Variants in NEGR1 observed in about 807,000 individuals in gnomAD.
NEGR1 encodes the protein neuronal growth regulator 1.
A neutral mutation model predicts 40.9 loss-of-function variants in NEGR1; 10 were observed. The ratio of observed to expected loss-of-function variants is 0.24; its 90% CI spans 0.15 to 0.42. The LOEUF is 0.42. Among genes scored for constraint, NEGR1 ranks in the 10% least tolerant of loss-of-function variants. The pLI, the probability that NEGR1 is intolerant of heterozygous loss-of-function variation, is 1.00. For missense variants in NEGR1, 352 were observed against 438.9 expected (o/e 0.80, Z 1.77); for synonymous variants, 185 against 166.8 (o/e 1.11, Z -0.84).
chr1:71,996,745 C>T (rs1428553022), intron 1 of NEGR1, among the ~76,000 whole-genome samples: 1 of 152,096 alleles, frequency 6.6e-6, no homozygotes, highest in African/African-American at 2.4e-5. Flanking sequence ...GAAGACATAA[C>T]CATAAATAAA....
chr1:72,053,531 TA>T (rs1238441083), intron 1 of NEGR1, among the ~76,000 whole-genome samples: 1 of 151,156 alleles, frequency 6.6e-6, no homozygotes, highest in African/African-American at 2.4e-5. Context: ...AATGACCTTT[TA>T]TTTTTTTCAC....
At chr1:71,773,131 C>T (rs1263510245) in intron 3 of NEGR1, among the ~76,000 whole-genome samples, 2 of 152,116 alleles carry the variant, frequency 1.3e-5, no homozygotes, top group African/African-American at 2.4e-5. Context: ...GAACACACAG[C>T]CTCATTTTTC....
intron 2 of NEGR1, among the ~76,000 whole-genome samples, chr1:71,777,160 T>C (rs372648818): frequency 6.6e-6 from 1 of 152,272 alleles, no homozygotes; most frequent in African/African-American, 2.4e-5. Context: ...AAATGTCTCA[T>C]TGAATCCTCA....
chr1:71,796,116 C>T (rs1466208375), intron 2 of NEGR1, among the ~76,000 whole-genome samples: 1 of 152,140 alleles, frequency 6.6e-6, no homozygotes, highest in Admixed American at 6.6e-5. Context: ...TTTTAACATT[C>T]AGTTGACCTG....
At position 71,676,156 on chromosome 1, in the gene NEGR1, T is replaced by C. The variant is rs1652626903; in HGVS notation, c.667+21852A>G. On this transcript the variant is annotated intron_variant, in intron 4 of 6. Transcript: ENST00000357731. ...AAGGTCTAAATTTTAATTAATCTTA[T>C]TTGGGAAGAGGGTTCCAAGCCACTA... 2.0e-5 allele frequency among the ~76,000 whole-genome samples: 3 copies of C among 152,144 alleles called. 1 individual carries two copies. Among genetic ancestry groups the C allele is most frequent in the East Asian group, 3.8e-4 (2 of 5,198 alleles).
rs116132273 is a variant in NEGR1 at position 71,906,380 on chromosome 1, C to T, written c.409+28699G>A. On this transcript the variant is annotated intron_variant, in intron 2 of 6. Transcript: ENST00000357731. ...CCAAACACCATCTGTTCCCCTAAAA[C>T]GCTATTGAAATAAAACAGAATAAAA... Among the ~76,000 whole-genome samples the T allele has an allele frequency of 9.2e-3, 1,370 of 148,756 alleles. 20 individuals are homozygous for T. The highest frequency in any genetic ancestry group is 0.032 in the African/African-American group (1,275 of 40,320).
rs899977015 is a variant in NEGR1 at position 71,424,082 on chromosome 1, A to T, written c.941-16512T>A. On this transcript the variant is annotated intron_variant, in intron 6 of 6. Coordinates refer to ENST00000357731, the MANE Select transcript of NEGR1 (RefSeq NM_173808.3). Reference sequence around the variant, plus strand: ...GTCAGACGCTAATAGTTAGGACTTTAAAGAAAAAAAAAAACCTTTAAAATT... The same window carrying T: ...GTCAGACGCTAATAGTTAGGACTTTTAAGAAAAAAAAAAACCTTTAAAATT... 5.8e-4 allele frequency among the ~76,000 whole-genome samples: 7 copies of T among 12,014 alleles called. No individual in the cohort carries two copies. The Non-Finnish European group carries it at 5.9e-3, about 10-fold the overall frequency. The allele number at this position is 12,014 out of a possible 152,430, so 7.9% of individuals were successfully genotyped here. A position where few individuals can be genotyped will look rare whatever the true frequency, so the allele number is the denominator to read the frequency against.
intron 2 of NEGR1, among the ~76,000 whole-genome samples, chr1:71,930,961 T>C (rs1645849709): frequency 6.6e-6 from 1 of 152,164 alleles, no homozygotes; most frequent in African/African-American, 2.4e-5. Context: ...TGTTGGCTGC[T>C]CTAGGCAGGG....
At chr1:71,757,303 T>C (rs1274005143) in intron 3 of NEGR1, among the ~76,000 whole-genome samples, 1 of 152,108 alleles carries the variant, frequency 6.6e-6, no homozygotes, top group Non-Finnish European at 1.5e-5. Context: ...ATAAAATTTT[T>C]AAAACTTTAA....
rs567055174 is a variant in NEGR1 at position 71,502,106 on chromosome 1, G to A, written c.940+90711C>T. 2.0e-3 allele frequency among the ~76,000 whole-genome samples: 310 copies of A among 152,252 alleles called. 1 individual carries two copies. The highest frequency in any genetic ancestry group is 6.9e-3 in the Admixed American group (105 of 15,292). ...TTTAAATGGTCCATTTTCAAAGCAT[G>A]ATAAATCTAAGTACCGGCAGCCACC... On this transcript the variant is annotated intron_variant, in intron 6 of 6. Transcript: ENST00000357731.
intron 3 of NEGR1, among the ~76,000 whole-genome samples, chr1:71,698,951 G>A (rs554698487): frequency 6.6e-6 from 1 of 151,750 alleles, no homozygotes; most frequent in African/African-American, 2.4e-5. Flanking sequence ...TTGAGTCATT[G>A]AGCAGGATCC....
chr1:71,547,779 T>C (rs980605483), intron 6 of NEGR1, among the ~76,000 whole-genome samples: 1 of 151,730 alleles, frequency 6.6e-6, no homozygotes, highest in Non-Finnish European at 1.5e-5. Context: ...TGGCTCCCAA[T>C]GATCCTGGTT....
chr1:72,234,001 A>G (rs1163598913), intron 1 of NEGR1, among the ~76,000 whole-genome samples: 2 of 152,028 alleles, frequency 1.3e-5, no homozygotes. Flanking sequence ...TTTTATTTTA[A>G]GTTCAGGGGT....
chr1:72,264,672 C>T (rs1359658280), intron 1 of NEGR1, among the ~76,000 whole-genome samples: 1 of 150,446 alleles, frequency 6.6e-6, no homozygotes, highest in African/African-American at 2.4e-5. Context: ...TATTTTAGTT[C>T]TTAAAAACTT....
intron 6 of NEGR1, among the ~76,000 whole-genome samples, chr1:71,500,095 T>G (rs2101399274): frequency 6.6e-6 from 1 of 152,260 alleles, no homozygotes; most frequent in African/African-American, 2.4e-5. Flanking sequence ...TACAGTTTCT[T>G]TATGATCTCT....
At chr1:71,445,782 G>A (rs966616861) in intron 6 of NEGR1, among the ~76,000 whole-genome samples, 2 of 152,122 alleles carry the variant, frequency 1.3e-5, no homozygotes, top group African/African-American at 2.4e-5. Context: ...GAAGGCCAGC[G>A]GTCAAGTACA....
intron 1 of NEGR1, among the ~76,000 whole-genome samples, chr1:72,138,400 T>A (rs1049489668): frequency 7.9e-5 from 12 of 152,030 alleles, no homozygotes; most frequent in African/African-American, 2.9e-4. Context: ...AATACAAGTG[T>A]TCTAAATACC....
intron 2 of NEGR1, among the ~76,000 whole-genome samples, chr1:71,871,646 A>C (rs992096305): frequency 6.6e-6 from 1 of 152,216 alleles, no homozygotes; most frequent in Non-Finnish European, 1.5e-5. Context: ...AGTTAAGCTG[A>C]TCTGCACTAG....
intron 1 of NEGR1, chr1:72,274,665 A>C: frequency 3.4e-6 from 3 of 882,492 alleles, no homozygotes; most frequent in Non-Finnish European, 5.8e-6. Context: ...CTATTTATGG[A>C]GGTACCTATA....
Sources: allele counts gnomAD v4.1 joint callset (sites outside exome capture counted in the v4.1 genomes callset), GRCh38; gene constraint gnomAD v4.1.1; transcripts MANE v1.5; gene names NCBI Gene and HGNC (gene_info 2026-07-23, HGNC 2026-07-21).